KCNN2: variants seen among roughly 807,000 people sequenced by gnomAD.
The protein encoded by KCNN2 is small conductance calcium-activated potassium channel protein 2.
In KCNN2, 24 loss-of-function variants were observed where a neutral mutation model predicts 55.5. The observed-to-expected ratio is 0.43, with a 90% CI of 0.31 to 0.61. The LOEUF (loss-of-function observed/expected upper bound fraction) is 0.61, where lower values mean the gene tolerates loss of function less well. KCNN2 is among the 20% of genes least tolerant of loss of function. The pLI is 0.08. For missense variants in KCNN2, 754 were observed against 853.6 expected (o/e 0.88, Z 1.45); for synonymous variants, 431 against 336.1 (o/e 1.28, Z -3.09).
At chr5:114,188,993 T>A (rs1354735079) in intron 1 of KCNN2, among the ~76,000 whole-genome samples, 1 of 152,088 alleles carries the variant, frequency 6.6e-6, no homozygotes, top group African/African-American at 2.4e-5. Context: ...TGAGGAAAAT[T>A]TTAAGGCAAG....
chr5:114,464,784 T>C (rs1761363298), intron 4 of KCNN2, among the ~76,000 whole-genome samples: 2 of 151,478 alleles, frequency 1.3e-5, no homozygotes, highest in South Asian at 4.2e-4. Context: ...AAAAGAAAAA[T>C]AATAGTTTTA....
chr5:114,115,701 T>G (rs1253634614), intron 1 of KCNN2, among the ~76,000 whole-genome samples: 1 of 151,734 alleles, frequency 6.6e-6, no homozygotes, highest in Admixed American at 6.6e-5. Flanking sequence ...AAAAAAAAGG[T>G]AAGATTGAAA....
intron 2 of KCNN2, among the ~76,000 whole-genome samples, chr5:114,286,815 A>T (rs753366919): frequency 2.6e-5 from 4 of 152,218 alleles, no homozygotes; most frequent in Admixed American, 1.3e-4. Flanking sequence ...CCATTTACTG[A>T]TATAGAAAGT....
chr5:114,493,288 C>T (rs1747950417), intron 6 of KCNN2, 115 bp from the exon 7 acceptor site: 9 of 774,040 alleles, frequency 1.2e-5, no homozygotes, highest in Non-Finnish European at 1.9e-5. Context: ...CCCAAATGTT[C>T]AAGGCATTAT....
At chr5:114,262,548 A>T (rs370092497) in intron 2 of KCNN2, among the ~76,000 whole-genome samples, 1 of 152,196 alleles carries the variant, frequency 6.6e-6, no homozygotes, top group African/African-American at 2.4e-5. Flanking sequence ...ACTGAATGAT[A>T]TTGGGAAATT....
At chr5:114,426,223 A>G (rs909390194) in intron 3 of KCNN2, among the ~76,000 whole-genome samples, 26 of 152,270 alleles carry the variant, frequency 1.7e-4, no homozygotes, top group African/African-American at 6.0e-4. Flanking sequence ...TGACTTCCCA[A>G]TTATATTTTG....
intron 3 of KCNN2, among the ~76,000 whole-genome samples, chr5:114,434,115 A>C (rs1759912464): frequency 6.6e-6 from 1 of 151,778 alleles, no homozygotes; most frequent in South Asian, 2.1e-4. Context: ...TGATTTCTGC[A>C]GTATTAATTG....
At chr5:114,334,461 G>T (rs1756886475) in intron 2 of KCNN2, among the ~76,000 whole-genome samples, 1 of 151,876 alleles carries the variant, frequency 6.6e-6, no homozygotes, top group Admixed American at 6.6e-5. Context: ...AATGAAAAGT[G>T]TATATATAGA....
rs146660246 is a variant in KCNN2 at position 114,494,675 on chromosome 5, A to G, written c.2088+1203A>G. 1.6e-3 allele frequency among the ~76,000 whole-genome samples: 247 copies of G among 152,202 alleles called. 2 individuals carry two copies. Among genetic ancestry groups the G allele is most frequent in the African/African-American group, 5.9e-3 (244 of 41,520 alleles). On this transcript the variant is annotated intron_variant, in intron 7 of 7. Transcript: ENST00000673685. ...ACTTCAAGAGTACCACTGTGAGGCAAGATGCTGTTTCTTTATTAATGTACT... is the reference window on the plus strand; with the variant it reads ...ACTTCAAGAGTACCACTGTGAGGCAGGATGCTGTTTCTTTATTAATGTACT...
At chr5:114,443,809 C>T (rs1037708822) in intron 3 of KCNN2, among the ~76,000 whole-genome samples, 1 of 152,120 alleles carries the variant, frequency 6.6e-6, no homozygotes, top group Non-Finnish European at 1.5e-5. Flanking sequence ...GCAGCCTGAA[C>T]GTGTGTTTGG....
Position 114,381,237 on chromosome 5 carries a change from A to G in KCNN2, c.1218+17236A>G, listed in dbSNP as rs562160106. ...TCACTAAAGAAATTTAGCTTTTAAC[A>G]CTAGTTGTGTTGTCTGACTTTAAAT... On this transcript the variant is annotated intron_variant, in intron 2 of 7. Coordinates refer to ENST00000673685, the MANE Select transcript of KCNN2 (RefSeq NM_021614.4). 3.3e-5 allele frequency among the ~76,000 whole-genome samples: 5 copies of G among 152,270 alleles called. No individual in the cohort carries two copies. The East Asian group carries it at 9.6e-4, about 29-fold the overall frequency.
upstream of KCNN2, among the ~76,000 whole-genome samples, chr5:114,360,778 T>TATTC (rs1480127355): frequency 6.6e-6 from 1 of 152,232 alleles, no homozygotes; most frequent in Non-Finnish European, 1.5e-5. Flanking sequence ...GGGCAGCGAC[T>TATTC]ATTCAGCCCA....
chr5:114,251,206 G>T (rs577270806), intron 2 of KCNN2, among the ~76,000 whole-genome samples: 159 of 152,224 alleles, frequency 1.0e-3, no homozygotes, highest in Non-Finnish European at 1.8e-3. Flanking sequence ...GTTGCCTATT[G>T]CAATTACAAC....
chr5:114,167,164 A>G (rs899109806), intron 1 of KCNN2, among the ~76,000 whole-genome samples: 2 of 152,134 alleles, frequency 1.3e-5, no homozygotes, highest in Non-Finnish European at 2.9e-5. Context: ...AGATGATTTC[A>G]GGCCCTAACC....
chr5:114,152,702 C>T (rs1752551639), intron 1 of KCNN2, among the ~76,000 whole-genome samples: 1 of 152,196 alleles, frequency 6.6e-6, no homozygotes, highest in South Asian at 2.1e-4. Flanking sequence ...CTGGAATGGT[C>T]AGGGTAGCTA....
intron 1 of KCNN2, among the ~76,000 whole-genome samples, chr5:114,112,417 T>C (rs1408620133): frequency 1.3e-5 from 2 of 152,138 alleles, no homozygotes; most frequent in Non-Finnish European, 2.9e-5. Flanking sequence ...ACATGGTGCA[T>C]ATATACCTAT....
Position 114,379,502 on chromosome 5 carries a change from TTA to T in KCNN2, c.1218+15507_1218+15508del, listed in dbSNP as rs1378161706. Among the ~76,000 whole-genome samples, 45 of 109,566 alleles carry T rather than the reference TTA, an allele frequency of 4.1e-4. No individual in the cohort carries two copies. The South Asian group carries it at 4.3e-3, about 10-fold the overall frequency. The allele number at this position is 109,566 out of a possible 152,430, so 71.9% of individuals were successfully genotyped here. On this transcript the variant is annotated intron_variant, in intron 2 of 7. Coordinates refer to ENST00000673685, the MANE Select transcript of KCNN2 (RefSeq NM_021614.4). ...TTTATAGAATATATTATATAACATA[TTA>T]TATATTTATAGAATATATTATATAA... is the stretch of plus-strand genomic sequence containing the variant.
chr5:114,231,499 A>G (rs188449527), intron 2 of KCNN2, among the ~76,000 whole-genome samples: 7 of 150,708 alleles, frequency 4.6e-5, no homozygotes, highest in South Asian at 4.1e-4. Context: ...AGCTTTCTAC[A>G]TATGGCTAGC....
intron 2 of KCNN2, among the ~76,000 whole-genome samples, chr5:114,279,865 G>A (rs1755584649): frequency 6.6e-6 from 1 of 152,122 alleles, no homozygotes; most frequent in South Asian, 2.1e-4. Context: ...GATCCTCGAG[G>A]AATTGCCATA....
Sources: gnomAD v4.1 joint callset for allele counts (sites outside exome capture counted in the v4.1 genomes callset) on GRCh38, gnomAD v4.1.1 for gene constraint, MANE v1.5 for transcripts, NCBI Gene and HGNC (gene_info 2026-07-23, HGNC 2026-07-21) for gene names.